ACAN: variants seen among roughly 807,000 people sequenced by gnomAD.
ACAN encodes aggrecan, also known as aggrecan core protein.
ACAN carries 47 observed loss-of-function variants against 169.1 expected under a neutral mutation model. The observed-to-expected ratio is 0.28, with a 90% CI of 0.22 to 0.35. The LOEUF is 0.35. Ranked by LOEUF, ACAN falls within the 10% of genes least tolerant of loss-of-function variation. The pLI, the probability that ACAN is intolerant of heterozygous loss-of-function variation, is 1.00. For synonymous variants in ACAN, 1,115 were observed against 1,112.2 expected (o/e 1.00, Z -0.05); for missense variants, 2,716 against 2,759.9 (o/e 0.98, Z 0.36).
chr15:88,845,476 G>A, intron 6 of ACAN, 29 bp from the exon 7 acceptor site: 2 of 1,572,628 alleles, frequency 1.3e-6, no homozygotes, highest in Non-Finnish European at 1.7e-6. Context: ...AGGCTGAGAG[G>A]CTAAAGCTTG....
intron 4 of ACAN, among the ~76,000 whole-genome samples, chr15:88,840,919 C>G (rs1034111179): frequency 6.6e-6 from 1 of 152,114 alleles, no homozygotes; most frequent in Non-Finnish European, 1.5e-5. Flanking sequence ...CCAAGGCGGG[C>G]AGATCACGAA....
At chr15:88,804,689 G>A (rs139261931) in intron 1 of ACAN, among the ~76,000 whole-genome samples, 5 of 152,298 alleles carry the variant, frequency 3.3e-5, no homozygotes, top group African/African-American at 4.8e-5. Flanking sequence ...AGCTGCGGGG[G>A]TGGGGGCTTG....
chr15:88,857,147 G>T lies in ACAN; in HGVS notation c.4562G>T (p.Gly1521Val). ...GAAGGTCTAGAGACCTCTGCTTCTG[G>T]AGTAGAGGACCTCAGCAGGCTCCCT... ...SGEGLETSAS[G>V]VEDLSRLPSG... Residue 1521 changes from glycine (G) to valine (V), a missense_variant, in exon 12 of 19, where the codon GGA (glycine) becomes GTA (valine). Physicochemically the swap from Gly to Val is moderately radical, Grantham distance 109. This residue lies in a region of ACAN where 1,389 missense variants were observed against 1,363.7 expected (regional missense o/e 1.02). Transcript: ENST00000560601. 1 of 1,612,120 alleles carries T rather than the reference G, an allele frequency of 6.2e-7. No individual in the cohort carries two copies. The highest frequency in any genetic ancestry group is 8.5e-7 in the Non-Finnish European group (1 of 1,178,920).
Position 88,820,029 on chromosome 15 carries a change from T to C in ACAN, c.-7-16171T>C, listed in dbSNP as rs143778169. 2.1e-3 allele frequency among the ~76,000 whole-genome samples: 325 copies of C among 152,262 alleles called. 1 individual carries two copies. Among genetic ancestry groups the C allele is most frequent in the African/African-American group, 7.4e-3 (309 of 41,564 alleles). ...CTCTGAGCCTCTGTCCCCTTGGTTCTAAAATAGGACTAATCACAGTGTGCC... is the reference window on the plus strand; with the variant it reads ...CTCTGAGCCTCTGTCCCCTTGGTTCCAAAATAGGACTAATCACAGTGTGCC... On this transcript the variant is annotated intron_variant, in intron 1 of 18. Coordinates refer to ENST00000560601, the MANE Select transcript of ACAN (RefSeq NM_001369268.1).
At chr15:88,819,653 C>T (rs971848383) in intron 1 of ACAN, among the ~76,000 whole-genome samples, 3 of 151,276 alleles carry the variant, frequency 2.0e-5, no homozygotes, top group Non-Finnish European at 4.4e-5. Flanking sequence ...GTAGTTCCAG[C>T]TACTCAGGAG....
intron 1 of ACAN, among the ~76,000 whole-genome samples, chr15:88,804,052 C>T (rs559954607): frequency 6.6e-6 from 1 of 152,336 alleles, no homozygotes; most frequent in South Asian, 2.1e-4. Flanking sequence ...CACTTGTCTC[C>T]TAGTCCGCCA....
At chr15:88,820,847 A>G (rs1596117665) in intron 1 of ACAN, among the ~76,000 whole-genome samples, 1 of 152,124 alleles carries the variant, frequency 6.6e-6, no homozygotes, top group South Asian at 2.1e-4. Flanking sequence ...TCACGCTGCT[A>G]ATAAACACAT....
intron 1 of ACAN, among the ~76,000 whole-genome samples, chr15:88,806,694 A>G (rs1305246712): frequency 6.6e-6 from 1 of 152,152 alleles, no homozygotes; most frequent in African/African-American, 2.4e-5. Flanking sequence ...GTTCCTCCCA[A>G]GACCCTTCTT....
rs144251328 is a variant in ACAN at position 88,863,281 on chromosome 15, C to A, written c.6946+2842C>A. Among the ~76,000 whole-genome samples, 3 of 152,128 alleles carry A rather than the reference C, an allele frequency of 2.0e-5. 1 individual carries two copies. The South Asian group carries it at 6.2e-4, about 32-fold the overall frequency. ...TTCTGACCCACTTCAAAAACAGCAG[C>A]GTCTTTCCCCACTTCCATTACTGAC... On this transcript the variant is annotated intron_variant, in intron 13 of 18. Transcript: ENST00000560601.
intron 11 of ACAN, among the ~76,000 whole-genome samples, chr15:88,853,845 CT>C (rs56384350): frequency 8.8e-4 from 127 of 143,688 alleles, no homozygotes; most frequent in East Asian, 3.2e-3. Flanking sequence ...GCCCAGCTAA[CT>C]TTTTTTTTTT....
chr15:88,820,461 A>G, intron 1 of ACAN, among the ~76,000 whole-genome samples: 1 of 152,204 alleles, frequency 6.6e-6, no homozygotes, highest in East Asian at 1.9e-4. Context: ...GTCAATTTCT[A>G]TAGCCCAATC....
Position 88,847,911 on chromosome 15 carries a change from A to G in ACAN, c.1605A>G (p.Arg535=). 1 of 1,613,524 alleles carries G rather than the reference A, an allele frequency of 6.2e-7. No individual in the cohort carries two copies. The highest frequency in any genetic ancestry group is 8.5e-7 in the Non-Finnish European group (1 of 1,179,622). Residue 535 remains arginine, a splice_region_variant and synonymous_variant, in exon 9 of 19, where the codon AGA becomes AGG. Coordinates refer to ENST00000560601, the MANE Select transcript of ACAN (RefSeq NM_001369268.1). ...DAGWLRDQTV[R]YPIVSPRTPC... is the part of the protein sequence containing the mutation. ...CTTCTCCTCCCACTCTCCTTTGCAGATACCCCATTGTGAGCCCCCGGACCC... is the reference window on the plus strand; with the variant it reads ...CTTCTCCTCCCACTCTCCTTTGCAGGTACCCCATTGTGAGCCCCCGGACCC...
chr15:88,830,522 T>C (rs1596124545), intron 1 of ACAN, among the ~76,000 whole-genome samples: 1 of 152,120 alleles, frequency 6.6e-6, no homozygotes, highest in Admixed American at 6.5e-5. Flanking sequence ...CTGTACTGAA[T>C]ACTGTATTTT....
Position 88,830,067 on chromosome 15 carries a change from G to A in ACAN, c.-7-6133G>A, listed in dbSNP as rs1323552442. Among the ~76,000 whole-genome samples, 4 of 152,252 alleles carry A rather than the reference G, an allele frequency of 2.6e-5. No homozygotes were observed. In the East Asian group the frequency reaches 7.7e-4, roughly 29 times the overall value. On this transcript the variant is annotated intron_variant, in intron 1 of 18. Coordinates refer to ENST00000560601, the MANE Select transcript of ACAN (RefSeq NM_001369268.1). ...CAGGATCTGGGAGAGGAGGGTGGGC[G>A]TTCACGTAGCCAGCAAACATTTGCT...
Position 88,858,518 on chromosome 15 carries a change from A to C in ACAN, c.5933A>C (p.His1978Pro), listed in dbSNP as rs927736098. 1 of 1,613,886 alleles carries C rather than the reference A, an allele frequency of 6.2e-7. No individual in the cohort carries two copies. Among genetic ancestry groups the C allele is most frequent in the South Asian group, 1.1e-5 (1 of 91,088 alleles). Residue 1978 changes from histidine (H) to proline (P), a missense_variant, in exon 12 of 19, where the codon CAT becomes CCT. This residue lies in a region of ACAN where 1,389 missense variants were observed against 1,363.7 expected (regional missense o/e 1.02). Transcript: ENST00000560601. The surrounding 1 kb of genome is among the most constrained non-coding windows in gnomAD (Gnocchi z 4.0). The part of the protein sequence containing the change: ...HSGAPDMSGE[H>P]SGFLDLSGLQ... ...GGAGCACCAGACATGTCTGGGGAGC[A>C]TTCTGGATTTCTGGACCTAAGTGGG...
chr15:88,820,102 A>G (rs1045231110), intron 1 of ACAN, among the ~76,000 whole-genome samples: 1 of 152,216 alleles, frequency 6.6e-6, no homozygotes, highest in African/African-American at 2.4e-5. Flanking sequence ...CTTATGTTCA[A>G]AATGCTGCTG....
Position 88,843,437 on chromosome 15 carries a change from G to A in ACAN, c.840G>A (p.Leu280=). The change falls in exon 6 of 19, where the codon CTG becomes CTA. Residue 280 remains leucine, a synonymous_variant. Transcript: ENST00000560601. This position sits in a 1 kb window ranked among gnomAD's most constrained non-coding sequence, Gnocchi z 4.0. ...ANECRRLGAR[L]ATTGQLYLAW... is the part of the protein sequence containing the mutation. ...AGTGCCGGCGGCTGGGTGCCCGGCT[G>A]GCCACCACGGGCCAGCTCTACCTGG... 6.2e-7 allele frequency: 1 copy of A among 1,608,512 alleles called. No individual in the cohort carries two copies. Among genetic ancestry groups the A allele is most frequent in the Non-Finnish European group, 8.5e-7 (1 of 1,176,420 alleles).
intron 1 of ACAN, among the ~76,000 whole-genome samples, chr15:88,822,003 C>T (rs1253212845): frequency 1.3e-5 from 2 of 152,216 alleles, no homozygotes; most frequent in Non-Finnish European, 2.9e-5. Context: ...GACAGCATTG[C>T]CTTCTCCCAG....
intron 13 of ACAN, among the ~76,000 whole-genome samples, chr15:88,867,638 G>A (rs974563578): frequency 3.9e-5 from 6 of 152,154 alleles, no homozygotes; most frequent in African/African-American, 1.4e-4. Flanking sequence ...ACTCTGATGG[G>A]TCTCACGCAA....
Sources: gnomAD v4.1 joint callset for allele counts (sites outside exome capture counted in the v4.1 genomes callset) on GRCh38, gnomAD v4.1.1 for gene constraint, gnomAD v4.1.1 regional missense constraint, Gnocchi (gnomAD v3.1) non-coding constraint, MANE v1.5 for transcripts, NCBI Gene and HGNC (gene_info 2026-07-23, HGNC 2026-07-21) for gene names.